Variants in FAIM2 observed in about 807,000 individuals in gnomAD.
FAIM2 encodes protein lifeguard 2.
A neutral mutation model predicts 47.4 loss-of-function variants in FAIM2; 27 were observed. The ratio of observed to expected loss-of-function variants is 0.57; its 90% confidence interval spans 0.42 to 0.78. FAIM2 has a LOEUF of 0.78. Among genes scored for constraint, FAIM2 ranks in the 30% least tolerant of loss-of-function variants. FAIM2 has a pLI of 0.00. For missense variants in FAIM2, 311 were observed against 389.4 expected (o/e 0.80, Z 1.69); for synonymous variants, 156 against 159.3 (o/e 0.98, Z 0.16).
At chr12:49,880,755 C>CATGTGGGTATGTGTGTGTGT (rs1946818202) in intron 11 of FAIM2, among the ~76,000 whole-genome samples, 1 of 151,148 alleles carries the variant, frequency 6.6e-6, no homozygotes, top group Non-Finnish European at 1.5e-5. Flanking sequence ...TGTGTGTGTG[C>CATGTGGGTATGTGTGTGTGT]GCATGTGGGT....
In FAIM2 at chr12:49,889,544, C is replaced by G. The variant is rs1280666945; in HGVS notation, c.588G>C (p.Leu196=). ...LSSYYNTTSV[L]LCLGITALVC... ...CAAGGGCCGTGATGCCCAGGCACAG[C>G]AGCACGGAGGTGGTGTTGTAGTAGC... Residue 196 remains leucine, a synonymous_variant, in exon 9 of 12, where the codon CTG becomes CTC. Transcript: ENST00000320634. The G allele has an allele frequency of 1.2e-6, 2 of 1,614,088 alleles. No homozygotes were observed. The highest frequency in any genetic ancestry group is 2.7e-5 in the African/African-American group (2 of 75,030).
chr12:49,891,437 T>C (rs1201085358), intron 5 of FAIM2, among the ~76,000 whole-genome samples: 4 of 152,364 alleles, frequency 2.6e-5, no homozygotes, highest in South Asian at 2.1e-4. Context: ...GCATTTTCCA[T>C]GTGCTAGGCA....
chr12:49,882,180 T>G (rs1946830575), intron 11 of FAIM2, among the ~76,000 whole-genome samples: 2 of 152,162 alleles, frequency 1.3e-5, no homozygotes, highest in Admixed American at 1.3e-4. Flanking sequence ...GCTGCAGGGC[T>G]GGGAGTGGCC....
At chr12:49,889,261 T>A in intron 9 of FAIM2, 59 bp from the exon 10 acceptor site, 1 of 1,337,142 alleles carries the variant, frequency 7.5e-7, no homozygotes, top group Non-Finnish European at 1.1e-6. Flanking sequence ...GGGCCCCAAC[T>A]ACAGGCTGAG....
At chr12:49,901,403 A>T (rs2137109824) in intron 1 of FAIM2, 78 bp from the exon 2 acceptor site, 1 of 1,150,606 alleles carries the variant, frequency 8.7e-7, no homozygotes, top group East Asian at 2.8e-5. Flanking sequence ...CCAACTCTTC[A>T]ATTCCTGGAA....
chr12:49,884,232 AAAAAAAC>A (rs564942457), intron 11 of FAIM2, among the ~76,000 whole-genome samples: 27 of 62,836 alleles, frequency 4.3e-4, no homozygotes, highest in African/African-American at 5.6e-4. Context: ...TCAGAAAAAA[AAAAAAAC>A]AAAAAACAGA....
intron 1 of FAIM2, 42 bp from the exon 2 acceptor site, chr12:49,901,367 G>A: frequency 6.9e-7 from 1 of 1,442,824 alleles, no homozygotes; most frequent in Non-Finnish European, 9.2e-7. Context: ...ACCAGGGAAA[G>A]GGAGCCTTCC....
intron 2 of FAIM2, among the ~76,000 whole-genome samples, chr12:49,898,766 A>G (rs1946960170): frequency 6.6e-6 from 1 of 152,072 alleles, no homozygotes; most frequent in African/African-American, 2.4e-5. Context: ...GAGCCCAAGC[A>G]ATCCACCTGC....
chr12:49,883,689 G>A (rs564491647), intron 11 of FAIM2, among the ~76,000 whole-genome samples: 1 of 152,160 alleles, frequency 6.6e-6, no homozygotes, highest in African/African-American at 2.4e-5. Flanking sequence ...GAGACCCTGA[G>A]GGAGCAGGGT....
chr12:49,884,572 C>A (rs777784889), intron 11 of FAIM2, among the ~76,000 whole-genome samples: 1 of 152,150 alleles, frequency 6.6e-6, no homozygotes, highest in Non-Finnish European at 1.5e-5. Flanking sequence ...CCAGTAGAAC[C>A]ACAGAAGGTG....
intron 11 of FAIM2, 144 bp from the exon 12 acceptor site, chr12:49,870,797 A>ACAC (rs2137076862): frequency 1.4e-6 from 1 of 694,492 alleles, no homozygotes; most frequent in South Asian, 1.9e-5. Context: ...CCCTCCTGTG[A>ACAC]CACCTTCTGT....
rs550463750 is a variant in FAIM2, at chr12:49,881,877, A to G, written c.801+5509T>C. Reference sequence around the variant, plus strand: ...CTCAAAGCTGGACCAGAGCCCTGAGACGCCTCGCCTGCCACCCCCTCAGGT... The same window carrying G: ...CTCAAAGCTGGACCAGAGCCCTGAGGCGCCTCGCCTGCCACCCCCTCAGGT... On this transcript the variant is annotated intron_variant, in intron 11 of 11. Coordinates refer to ENST00000320634, the MANE Select transcript of FAIM2 (RefSeq NM_012306.4). 3.9e-5 allele frequency among the ~76,000 whole-genome samples: 6 copies of G among 152,306 alleles called. No individual in the cohort carries two copies. The South Asian group carries it at 1.2e-3, about 32-fold the overall frequency.
chr12:49,884,912 T>A (rs183147100), intron 11 of FAIM2, among the ~76,000 whole-genome samples: 39 of 152,128 alleles, frequency 2.6e-4, no homozygotes, highest in Admixed American at 4.6e-4. Flanking sequence ...AGGTGGAGCT[T>A]GCAGTCAGCC....
intron 1 of FAIM2, among the ~76,000 whole-genome samples, chr12:49,903,119 C>A (rs1030004317): frequency 6.6e-6 from 1 of 152,114 alleles, no homozygotes; most frequent in Admixed American, 6.5e-5. Context: ...CATAAGCCTA[C>A]TAGGCCAGCC....
Position 49,869,263 on chromosome 12 carries a change from C to T in FAIM2, c.*1241G>A, listed in dbSNP as rs1053435396. 1 of 152,822 alleles carries T rather than the reference C, an allele frequency of 6.5e-6. No homozygotes were observed. Among genetic ancestry groups the T allele is most frequent in the African/African-American group, 2.4e-5 (1 of 41,466 alleles). The allele number at this position is 152,822 out of a possible 1,614,324, so 9.5% of individuals were successfully genotyped here. On this transcript the variant is annotated 3_prime_UTR_variant, in exon 12 of 12. Coordinates refer to ENST00000320634, the MANE Select transcript of FAIM2 (RefSeq NM_012306.4). ...CTGATAAGGAGCCCTGGCCTCATTACATGGGACCAGCTGGAGGGACTGGCC... is the reference window on the plus strand; with the variant it reads ...CTGATAAGGAGCCCTGGCCTCATTATATGGGACCAGCTGGAGGGACTGGCC...
At chr12:49,902,898 G>T (rs1946990982) in intron 1 of FAIM2, 2 of 152,378 alleles carry the variant, frequency 1.3e-5, no homozygotes, top group East Asian at 3.9e-4. Flanking sequence ...GGCCCAAAGA[G>T]CTTGCATACA....
intron 11 of FAIM2, among the ~76,000 whole-genome samples, chr12:49,879,435 C>T (rs1317889494): frequency 7.9e-6 from 1 of 126,612 alleles, no homozygotes; most frequent in African/African-American, 3.1e-5. Context: ...TGTGTATGTG[C>T]ATGTGTATAT....
chr12:49,896,976 T>G (rs1946942166), intron 5 of FAIM2, 55 bp downstream of exon 5: 2 of 1,395,718 alleles, frequency 1.4e-6, no homozygotes, highest in African/African-American at 1.4e-5. Flanking sequence ...AGAGATTCCC[T>G]CTTCTGGCCA....
intron 11 of FAIM2, among the ~76,000 whole-genome samples, chr12:49,873,292 C>T (rs572718242): frequency 3.3e-5 from 5 of 152,198 alleles, no homozygotes; most frequent in African/African-American, 9.6e-5. Flanking sequence ...GCCCACACCA[C>T]GGTGTGGTTT....
Sources: gnomAD v4.1 joint callset for allele counts (sites outside exome capture counted in the v4.1 genomes callset) on GRCh38, gnomAD v4.1.1 for gene constraint, MANE v1.5 for transcripts, NCBI Gene and HGNC (gene_info 2026-07-23, HGNC 2026-07-21) for gene names.